Variants in PDE8A observed in about 807,000 individuals in gnomAD.
PDE8A encodes high affinity cAMP-specific and IBMX-insensitive 3',5'-cyclic phosphodiesterase 8A.
PDE8A carries 59 observed loss-of-function variants against 105.0 expected under a neutral mutation model. The observed-to-expected ratio is 0.56, with a 90% confidence interval of 0.46 to 0.70. The LOEUF (loss-of-function observed/expected upper bound fraction) is 0.70, where lower values mean the gene tolerates loss of function less well. PDE8A is among the 30% of genes least tolerant of loss of function. The pLI, the probability that PDE8A is intolerant of heterozygous loss-of-function variation, is 0.00. For missense variants in PDE8A, 1,014 were observed against 1,045.9 expected, an observed-to-expected ratio of 0.97 and a Z score of 0.42; for synonymous variants, 355 against 371.9, an observed-to-expected ratio of 0.95 and a Z score of 0.52.
intron 1 of PDE8A, among the ~76,000 whole-genome samples, chr15:85,046,383 T>A (rs1268670490): frequency 6.6e-6 from 1 of 152,208 alleles, no homozygotes; most frequent in African/African-American, 2.4e-5. Context: ...AAAGTACCTA[T>A]GAAATTACTC....
chr15:85,067,743 G>C (rs2081251718), intron 3 of PDE8A, among the ~76,000 whole-genome samples: 1 of 152,136 alleles, frequency 6.6e-6, no homozygotes, highest in African/African-American at 2.4e-5. Flanking sequence ...TTTTAAGAGA[G>C]AGAAAAGATA....
chr15:85,121,440 C>G (rs561692587), intron 18 of PDE8A, among the ~76,000 whole-genome samples: 1 of 152,142 alleles, frequency 6.6e-6, no homozygotes, highest in African/African-American at 2.4e-5. Flanking sequence ...AAGTTAAACC[C>G]TCTAATTATT....
At chr15:85,013,281 C>G (rs536890841) in intron 1 of PDE8A, among the ~76,000 whole-genome samples, 32 of 152,292 alleles carry the variant, frequency 2.1e-4, no homozygotes, top group Admixed American at 3.3e-4. Flanking sequence ...GTGGAAAGAA[C>G]AGAGACTTCC....
chr15:85,126,207 G>A lies in PDE8A; in HGVS notation c.2086G>A (p.Glu696Lys). 1 of 1,602,792 alleles carries A rather than the reference G, an allele frequency of 6.2e-7. No individual in the cohort carries two copies. The highest frequency in any genetic ancestry group is 8.5e-7 in the Non-Finnish European group (1 of 1,174,114). The change falls in exon 20 of 22, where the codon GAA (glutamate) becomes AAA (lysine). Residue 696 changes from glutamate (E) to lysine (K), a missense_variant and splice_region_variant. Transcript: ENST00000394553. The stretch of plus-strand genomic sequence containing the variant: ...GCTTTGAATTCCACTCATGTTTCAG[G>A]AAACTGATAAAAACCAGGAAGTGAT... ...KPLATLEENG[E>K]TDKNQEVINT...
Position 85,115,451 on chromosome 15 carries a change from A to T in PDE8A, c.1363A>T (p.Arg455Ter). The T allele has an allele frequency of 1.3e-6, 2 of 1,542,708 alleles. No homozygotes were observed. The highest frequency in any genetic ancestry group is 1.7e-6 in the Non-Finnish European group (2 of 1,144,858). Reference sequence around the variant, plus strand: ...TGATTTTTATCAGGATGGTTTGCGAAGACTATCAGGGAATGAATATGTTCT... The same window carrying T: ...TGATTTTTATCAGGATGGTTTGCGATGACTATCAGGGAATGAATATGTTCT... ...VGGLMSDGLR[R>*]LSGNEYVLST... The change falls in exon 15 of 22, where the codon AGA becomes TGA. Residue 455 changes from arginine to a stop codon, truncating the protein, a stop_gained. Transcript: ENST00000394553. LOFTEE classifies it high-confidence loss of function.
rs2081078439 is a variant in PDE8A, at chr15:85,057,391, A to G, written c.187-6979A>G. 3.3e-5 allele frequency among the ~76,000 whole-genome samples: 5 copies of G among 152,202 alleles called. No individual in the cohort carries two copies. In the South Asian group the frequency reaches 8.3e-4, roughly 25 times the overall value. On this transcript the variant is annotated intron_variant, in intron 1 of 21. Coordinates refer to ENST00000394553, the MANE Select transcript of PDE8A (RefSeq NM_002605.3). ...AGTTTCTGCTGCCTTTTGTTCAGCT[A>G]TGCCCTGCCCCCAGAGGTGGAGTCT...
At chr15:85,010,965 A>G (rs982261516) in intron 1 of PDE8A, among the ~76,000 whole-genome samples, 1 of 152,142 alleles carries the variant, frequency 6.6e-6, no homozygotes, top group African/African-American at 2.4e-5. Flanking sequence ...CCTAAGGTCA[A>G]GTCTATTTTA....
At chr15:85,031,891 A>G (rs567959021) in intron 1 of PDE8A, among the ~76,000 whole-genome samples, 6 of 152,250 alleles carry the variant, frequency 3.9e-5, no homozygotes, top group Admixed American at 2.0e-4. Flanking sequence ...CAGTTTTGTA[A>G]GGGGTATATC....
chr15:85,049,379 A>T (rs1358612574), intron 1 of PDE8A, among the ~76,000 whole-genome samples: 1 of 152,138 alleles, frequency 6.6e-6, no homozygotes, highest in Non-Finnish European at 1.5e-5. Context: ...CCTAGCAAAC[A>T]CATTCTGCTT....
chr15:85,069,757 A>G (rs1369225680), intron 3 of PDE8A, among the ~76,000 whole-genome samples: 1 of 152,168 alleles, frequency 6.6e-6, no homozygotes, highest in Non-Finnish European at 1.5e-5. Context: ...CCCCGATCAC[A>G]TTTATTTCCT....
intron 1 of PDE8A, among the ~76,000 whole-genome samples, chr15:85,036,376 C>G (rs1415167350): frequency 6.6e-6 from 1 of 152,194 alleles, no homozygotes; most frequent in South Asian, 2.1e-4. Context: ...AGGAAACACC[C>G]CAGTAGTTGA....
At chr15:85,097,828 T>A (rs1010564872) in intron 8 of PDE8A, 120 bp from the exon 9 acceptor site, 1 of 636,832 alleles carries the variant, frequency 1.6e-6, no homozygotes, top group Non-Finnish European at 2.8e-6. Flanking sequence ...AGTTTGGGGT[T>A]GGGATCATTT....
Position 85,061,459 on chromosome 15 carries a change from C to A in PDE8A, c.187-2911C>A, listed in dbSNP as rs544792723. 2.8e-4 allele frequency among the ~76,000 whole-genome samples: 42 copies of A among 152,036 alleles called. No homozygotes were observed. In the East Asian group the frequency reaches 7.9e-3, roughly 29 times the overall value. On this transcript the variant is annotated intron_variant, in intron 1 of 21. Transcript: ENST00000394553. ...TTCACCATGTTGGCCAGGCTGGTTT[C>A]GAATTCCTGGCCTCAGGTGATCTGT...
At chr15:85,062,378 C>T (rs1038554250) in intron 1 of PDE8A, 5 of 152,178 alleles carry the variant, frequency 3.3e-5, no homozygotes, top group African/African-American at 1.2e-4. Context: ...TAATCACTTT[C>T]TAGTTTTCCC....
chr15:85,008,237 G>A (rs1371609156), intron 1 of PDE8A, among the ~76,000 whole-genome samples: 1 of 152,110 alleles, frequency 6.6e-6, no homozygotes, highest in Non-Finnish European at 1.5e-5. Context: ...GTCTGTGCCT[G>A]CATAGTCAGT....
intron 1 of PDE8A, among the ~76,000 whole-genome samples, chr15:84,987,466 T>C (rs2079821115): frequency 5.0e-5 from 1 of 20,072 alleles, no homozygotes; most frequent in South Asian, 1.3e-3. Context: ...GATTGGTTCC[T>C]TTTTTTTTTT....
chr15:85,042,414 C>G (rs1454704410), intron 1 of PDE8A, among the ~76,000 whole-genome samples: 1 of 152,148 alleles, frequency 6.6e-6, no homozygotes, highest in Admixed American at 6.5e-5. Flanking sequence ...CTGCCTCAGC[C>G]TCTCAAAGTG....
At chr15:85,102,273 A>C (rs1329744238) in intron 11 of PDE8A, among the ~76,000 whole-genome samples, 4 of 152,190 alleles carry the variant, frequency 2.6e-5, no homozygotes, top group Non-Finnish European at 4.4e-5. Flanking sequence ...AACGGGAAGC[A>C]TCAAGACTGG....
intron 12 of PDE8A, among the ~76,000 whole-genome samples, chr15:85,112,280 A>C (rs1332796021): frequency 6.6e-6 from 1 of 152,182 alleles, no homozygotes; most frequent in African/African-American, 2.4e-5. Context: ...GTATTACCTC[A>C]TACACTTTCA....
Sources: allele counts gnomAD v4.1 joint callset (sites outside exome capture counted in the v4.1 genomes callset), GRCh38; gene constraint gnomAD v4.1.1; transcripts MANE v1.5; gene names NCBI Gene and HGNC (gene_info 2026-07-23, HGNC 2026-07-21).